Variants in NPAS1 observed in about 807,000 individuals in gnomAD.
NPAS1 encodes the protein neuronal PAS domain protein 1.
A neutral mutation model predicts 49.2 loss-of-function variants in NPAS1; 29 were observed. The ratio of observed to expected loss-of-function variants is 0.59; its 90% CI spans 0.44 to 0.80. The LOEUF is 0.80. NPAS1 is among the 30% of genes least tolerant of loss of function. The probability of loss-of-function intolerance (pLI) is 0.00; values close to 1 mark genes in which losing one functional copy is unlikely to be tolerated. For synonymous variants in NPAS1, 408 were observed against 380.4 expected, an observed-to-expected ratio of 1.07 and a Z score of -0.84; for missense variants, 825 against 835.5, an observed-to-expected ratio of 0.99 and a Z score of 0.15.
chr19:47,037,954 C>G (rs754770816), intron 6 of NPAS1, among the ~76,000 whole-genome samples: 1 of 152,206 alleles, frequency 6.6e-6, no homozygotes, highest in Non-Finnish European at 1.5e-5. Context: ...CATGACAGCT[C>G]CAGCCCCACC....
At position 47,021,696 on chromosome 19, in the gene NPAS1, C is replaced by T. The variant is rs775717460; in HGVS notation, c.207C>T (p.Ala69=). The change falls in exon 3 of 12, where the codon GCC becomes GCT. Residue 69 remains alanine (A), a synonymous_variant. Transcript: ENST00000602212. The surrounding 1 kb of genome is among the most constrained non-coding windows in gnomAD (Gnocchi z 5.7). The part of the protein sequence containing the change: ...GKENLEFFEL[A]KLLPLPGAIS... ...AGAACCTGGAGTTCTTCGAGCTGGC[C>T]AAGCTTCTCCCGCTGCCCGGCGCCA... is the stretch of plus-strand genomic sequence containing the variant. 2.6e-6 allele frequency: 4 copies of T among 1,560,330 alleles called. No individual in the cohort carries two copies. The South Asian group carries it at 4.7e-5, about 18-fold the overall frequency.
At chr19:47,035,189 A>AC (rs2056940542) in intron 5 of NPAS1, 3 of 118,104 alleles carry the variant, frequency 2.5e-5, no homozygotes, top group Non-Finnish European at 5.2e-5. Context: ...CTAAAAAAAT[A>AC]AAAAGAAGAA....
intron 11 of NPAS1, among the ~76,000 whole-genome samples, 184 bp downstream of exon 11, chr19:47,043,088 C>T (rs930174891): frequency 6.6e-6 from 1 of 152,018 alleles, no homozygotes; most frequent in African/African-American, 2.4e-5. Context: ...AGGTGGATCA[C>T]GAGGTCAAGA....
At chr19:47,029,521 T>G (rs2056893480) in intron 3 of NPAS1, among the ~76,000 whole-genome samples, 1 of 151,926 alleles carries the variant, frequency 6.6e-6, no homozygotes, top group South Asian at 2.1e-4. Context: ...CTCCTCAGCC[T>G]CCCGAATAGC....
chr19:47,031,996 G>A (rs2056908801), intron 3 of NPAS1, among the ~76,000 whole-genome samples: 1 of 152,262 alleles, frequency 6.6e-6, no homozygotes, highest in South Asian at 2.1e-4. Context: ...GACATAGGGA[G>A]GGTAGGTATT....
Position 47,039,505 on chromosome 19 carries a change from T to C in NPAS1, c.903T>C (p.His301=), listed in dbSNP as rs2056996240. 5.6e-6 allele frequency: 9 copies of C among 1,611,046 alleles called. No individual in the cohort carries two copies. Among genetic ancestry groups the C allele is most frequent in the Non-Finnish European group, 7.6e-6 (9 of 1,178,434 alleles). ...CCCCCCTGGCTGAGCTGCCACTCCATGGACACATGATCGTCTTCCGTCTCA... is the reference window on the plus strand; with the variant it reads ...CCCCCCTGGCTGAGCTGCCACTCCACGGACACATGATCGTCTTCCGTCTCA... ...PPAPLAELPL[H]GHMIVFRLSL... is the part of the protein sequence containing the mutation. The change falls in exon 8 of 12, where the codon CAT becomes CAC. Residue 301 remains histidine, a synonymous_variant. Coordinates refer to ENST00000602212, the MANE Select transcript of NPAS1 (RefSeq NM_002517.4).
At chr19:47,035,353 G>A (rs995303892) in intron 5 of NPAS1, 2 of 152,442 alleles carry the variant, frequency 1.3e-5, no homozygotes, top group Non-Finnish European at 2.9e-5. Context: ...CAGCCATGGT[G>A]GTCAGGTAAG....
chr19:47,025,990 A>AGTG (rs1480528130), intron 3 of NPAS1, among the ~76,000 whole-genome samples: 1 of 151,762 alleles, frequency 6.6e-6, no homozygotes, highest in Non-Finnish European at 1.5e-5. Flanking sequence ...CCCAGGCTGG[A>AGTG]GTGCAGTGGT....
At chr19:47,025,466 T>C (rs2056865755) in intron 3 of NPAS1, among the ~76,000 whole-genome samples, 1 of 148,878 alleles carries the variant, frequency 6.7e-6, no homozygotes, top group Non-Finnish European at 1.5e-5. Flanking sequence ...TTAGTAGAGA[T>C]GGGGTTTCTC....
rs2056992846 is a variant in NPAS1 at position 47,039,268 on chromosome 19, T to G, written c.804+117T>G. On this transcript the variant is annotated intron_variant, in intron 7 of 11. Coordinates refer to ENST00000602212, the MANE Select transcript of NPAS1 (RefSeq NM_002517.4). Reference sequence around the variant, plus strand: ...TGCAGGTGGCTTAGGGAACTGGGTCTGGGAATGGGACTGGGGGGGTCACAC... The same window carrying G: ...TGCAGGTGGCTTAGGGAACTGGGTCGGGGAATGGGACTGGGGGGGTCACAC... 5.5e-6 allele frequency: 8 copies of G among 1,465,534 alleles called. No homozygotes were observed. In the African/African-American group the frequency reaches 9.8e-5, roughly 18 times the overall value. 90.8% of individuals were successfully genotyped at this position (1,465,534 alleles called of 1,614,324 possible).
chr19:47,044,073 T>C (rs1368559037), intron 11 of NPAS1, among the ~76,000 whole-genome samples: 1 of 151,906 alleles, frequency 6.6e-6, no homozygotes, highest in African/African-American at 2.4e-5. Flanking sequence ...CTCAAACAAA[T>C]TTATTTATTT....
intron 6 of NPAS1, among the ~76,000 whole-genome samples, chr19:47,036,426 T>C (rs1421307694): frequency 6.6e-6 from 1 of 152,208 alleles, no homozygotes; most frequent in Non-Finnish European, 1.5e-5. Flanking sequence ...GCTGTGTCTG[T>C]AAGTGCACAA....
At position 47,021,139 on chromosome 19, in the gene NPAS1, G is replaced by T. The variant is rs776480758; in HGVS notation, c.92G>T (p.Gly31Val). 1 of 1,598,704 alleles carries T rather than the reference G, an allele frequency of 6.3e-7. No individual in the cohort carries two copies. Among genetic ancestry groups the T allele is most frequent in the Non-Finnish European group, 8.5e-7 (1 of 1,173,682 alleles). ...AGCGTCCCCTGGGACTTTCTACCCG[G>T]GCTGATGGTCAAGGCGCCGTCCGGA... ...GASVPWDFLP[G>V]LMVKAPSGPC... The change falls in exon 2 of 12, where the codon GGG becomes GTG. Residue 31 changes from glycine to valine, a missense_variant. By Grantham distance (109) the Gly-to-Val change is moderately radical (BLOSUM62 -3). Coordinates refer to ENST00000602212, the MANE Select transcript of NPAS1 (RefSeq NM_002517.4). This position sits in a 1 kb window ranked among gnomAD's most constrained non-coding sequence, Gnocchi z 5.7.
At chr19:47,032,183 G>A (rs567473838) in intron 3 of NPAS1, 95 bp from the exon 4 acceptor site, 27 of 1,136,896 alleles carry the variant, frequency 2.4e-5, no homozygotes, top group Non-Finnish European at 3.4e-5. Flanking sequence ...ACAAGCCTTA[G>A]GGGAAGAGAG....
chr19:47,024,388 C>T (rs545353125), intron 3 of NPAS1, among the ~76,000 whole-genome samples: 109 of 152,232 alleles, frequency 7.2e-4, no homozygotes, highest in African/African-American at 1.5e-3. Flanking sequence ...CGGTGGCTCA[C>T]GCCTGTAATC....
In NPAS1 at chr19:47,037,407, G is replaced by A. The variant is rs952714984; in HGVS notation, c.688+1278G>A. On this transcript the variant is annotated intron_variant, in intron 6 of 11. Coordinates refer to ENST00000602212, the MANE Select transcript of NPAS1 (RefSeq NM_002517.4). ...TAAGCGCAGGCCCACAATGCAAGAA[G>A]TGTTATCTCCATTTTACATCAGAAA... 2.7e-5 allele frequency among the ~76,000 whole-genome samples: 4 copies of A among 146,834 alleles called. No homozygotes were observed. In the South Asian group the frequency reaches 8.5e-4, roughly 31 times the overall value.
chr19:47,043,704 C>T (rs2057045610), intron 11 of NPAS1, among the ~76,000 whole-genome samples: 1 of 152,156 alleles, frequency 6.6e-6, no homozygotes, highest in Admixed American at 6.6e-5. Context: ...TTGCAGTGAG[C>T]TGAGATCTCA....
chr19:47,025,475 T>A (rs12976811), intron 3 of NPAS1, among the ~76,000 whole-genome samples: 27,835 of 130,656 alleles, frequency 0.21, 5,757 homozygotes, highest in East Asian at 0.41. Context: ...ATGGGGTTTC[T>A]CCATGTTGGT....
intron 11 of NPAS1, among the ~76,000 whole-genome samples, chr19:47,043,386 G>C (rs1197346628): frequency 6.6e-6 from 1 of 151,736 alleles, no homozygotes; most frequent in East Asian, 1.9e-4. Flanking sequence ...TCAGGAGATG[G>C]AGACCATCCT....
Sources: gnomAD v4.1 joint callset for allele counts (sites outside exome capture counted in the v4.1 genomes callset) on GRCh38, gnomAD v4.1.1 for gene constraint, Gnocchi (gnomAD v3.1) non-coding constraint, MANE v1.5 for transcripts, NCBI Gene and HGNC (gene_info 2026-07-23, HGNC 2026-07-21) for gene names.